Variants in SORCS3 observed in about 807,000 individuals in gnomAD.
SORCS3 encodes sortilin related VPS10 domain containing receptor 3, also known as VPS10 domain-containing receptor SorCS3.
Under a neutral mutation model 146.3 loss-of-function variants are expected in SORCS3, and 57 were observed. That is an observed-to-expected ratio of 0.39 (90% CI 0.31 to 0.49). The LOEUF (loss-of-function observed/expected upper bound fraction) is 0.49, where lower values mean the gene tolerates loss of function less well. SORCS3 is among the 20% of genes least tolerant of loss of function. The pLI is 0.92. For synonymous variants in SORCS3, 653 were observed against 618.5 expected (o/e 1.06, Z -0.83); for missense variants, 1,341 against 1,575.5 (o/e 0.85, Z 2.52).
rs1019153981 is a variant in SORCS3 at position 104,693,513 on chromosome 10, C to T, written c.627+51559C>T. On this transcript the variant is annotated intron_variant, in intron 1 of 26. Coordinates refer to ENST00000369701, the MANE Select transcript of SORCS3 (RefSeq NM_014978.3). ...TGCACTTTCTTTCATTCTGACTTTT[C>T]CTGCTGCATTTTGGCTCTTGGGTGG... Among the ~76,000 whole-genome samples, 11 of 152,290 alleles carry T rather than the reference C, an allele frequency of 7.2e-5. No individual in the cohort carries two copies. The East Asian group carries it at 1.9e-3, about 27-fold the overall frequency.
intron 2 of SORCS3, among the ~76,000 whole-genome samples, chr10:104,880,198 A>G (rs935855175): frequency 2.6e-5 from 4 of 152,202 alleles, no homozygotes; most frequent in Admixed American, 2.6e-4. Context: ...AAATGAACCA[A>G]TGACTGAAAT....
chr10:105,187,002 T>C (rs1421719835), intron 14 of SORCS3, among the ~76,000 whole-genome samples: 1 of 152,120 alleles, frequency 6.6e-6, no homozygotes, highest in African/African-American at 2.4e-5. Context: ...TCCAGACTTA[T>C]CTTCTACAGG....
At chr10:104,662,142 G>T (rs1187434691) in intron 1 of SORCS3, among the ~76,000 whole-genome samples, 1 of 152,212 alleles carries the variant, frequency 6.6e-6, no homozygotes, top group Non-Finnish European at 1.5e-5. Flanking sequence ...ATGTAAGGTA[G>T]TTGAGTCTAC....
At chr10:104,785,717 C>A (rs1038268417) in intron 1 of SORCS3, among the ~76,000 whole-genome samples, 2 of 152,184 alleles carry the variant, frequency 1.3e-5, no homozygotes, top group Non-Finnish European at 2.9e-5. Context: ...AGAACTCACA[C>A]CTGCAGTCTT....
intron 3 of SORCS3, among the ~76,000 whole-genome samples, chr10:104,946,094 A>T (rs1372139185): frequency 6.6e-6 from 1 of 152,020 alleles, no homozygotes; most frequent in Non-Finnish European, 1.5e-5. Context: ...GGTACTGTTG[A>T]GTATCAAATG....
At chr10:104,719,549 C>G (rs2016519080) in intron 1 of SORCS3, among the ~76,000 whole-genome samples, 1 of 152,152 alleles carries the variant, frequency 6.6e-6, no homozygotes, top group South Asian at 2.1e-4. Context: ...ATATCTCTAT[C>G]TGATCTTAGA....
At chr10:105,007,730 C>T (rs1263533048) in intron 4 of SORCS3, among the ~76,000 whole-genome samples, 1 of 151,844 alleles carries the variant, frequency 6.6e-6, no homozygotes, top group Non-Finnish European at 1.5e-5. Flanking sequence ...AATAGGTAGT[C>T]ATTGGTTAGT....
chr10:105,207,478 G>T (rs552718936), intron 16 of SORCS3, among the ~76,000 whole-genome samples: 193 of 152,208 alleles, frequency 1.3e-3, no homozygotes, highest in African/African-American at 4.5e-3. Flanking sequence ...TGTGTTTGCA[G>T]AATCCGCAGC....
intron 9 of SORCS3, among the ~76,000 whole-genome samples, chr10:105,156,653 G>T (rs566851424): frequency 6.6e-6 from 1 of 152,316 alleles, no homozygotes; most frequent in South Asian, 2.1e-4. Context: ...CATGGAAAGA[G>T]ACAGATGCCA....
intron 1 of SORCS3, among the ~76,000 whole-genome samples, chr10:104,724,488 C>A (rs1294459734): frequency 6.6e-6 from 1 of 151,994 alleles, no homozygotes; most frequent in East Asian, 1.9e-4. Context: ...ATCTTTGTGG[C>A]GTTCTCTGTA....
intron 1 of SORCS3, among the ~76,000 whole-genome samples, chr10:104,842,185 T>C (rs1040252684): frequency 5.3e-5 from 8 of 152,054 alleles, no homozygotes; most frequent in Non-Finnish European, 1.0e-4. Context: ...TCCAGTGGGG[T>C]TCAATGATCT....
intron 3 of SORCS3, among the ~76,000 whole-genome samples, chr10:104,929,882 G>A (rs1333612396): frequency 6.6e-6 from 1 of 152,290 alleles, no homozygotes; most frequent in East Asian, 1.9e-4. Context: ...CAGTTACACA[G>A]ACACCAGAAT....
intron 1 of SORCS3, among the ~76,000 whole-genome samples, chr10:104,666,373 G>A (rs190893996): frequency 5.9e-5 from 9 of 152,142 alleles, no homozygotes; most frequent in Non-Finnish European, 1.2e-4. Flanking sequence ...GAAGAGGAAA[G>A]GGGAGAGGAT....
chr10:105,077,777 C>A (rs936853208), intron 5 of SORCS3, among the ~76,000 whole-genome samples: 7 of 152,178 alleles, frequency 4.6e-5, no homozygotes, highest in Non-Finnish European at 8.8e-5. Flanking sequence ...GAAAAGAATT[C>A]TTTGATGCAG....
chr10:104,857,941 G>A (rs1183433840), intron 2 of SORCS3, among the ~76,000 whole-genome samples: 7 of 152,126 alleles, frequency 4.6e-5, no homozygotes, highest in African/African-American at 9.7e-5. Context: ...CAATGCAAAC[G>A]GAAGAATTTG....
intron 1 of SORCS3, among the ~76,000 whole-genome samples, chr10:104,796,610 G>A (rs1215486575): frequency 6.6e-6 from 1 of 152,104 alleles, no homozygotes; most frequent in Non-Finnish European, 1.5e-5. Flanking sequence ...GAAATATACA[G>A]TTTTCTTTTA....
intron 1 of SORCS3, among the ~76,000 whole-genome samples, chr10:104,719,396 A>G (rs1386833009): frequency 6.6e-6 from 1 of 152,144 alleles, no homozygotes; most frequent in Non-Finnish European, 1.5e-5. Context: ...GTGATTGAAT[A>G]TAAGTAATTC....
intron 1 of SORCS3, among the ~76,000 whole-genome samples, chr10:104,814,855 A>G (rs1262360489): frequency 1.3e-5 from 2 of 152,186 alleles, no homozygotes; most frequent in East Asian, 1.9e-4. Context: ...TTCAGCTCCC[A>G]TTTTTAAGTC....
intron 3 of SORCS3, among the ~76,000 whole-genome samples, chr10:104,919,584 G>C (rs1200074395): frequency 6.6e-6 from 1 of 152,068 alleles, no homozygotes; most frequent in Admixed American, 6.5e-5. Flanking sequence ...AGCTACTCAG[G>C]AGGCTGAGGC....
Sources: gnomAD v4.1 joint callset for allele counts (sites outside exome capture counted in the v4.1 genomes callset) on GRCh38, gnomAD v4.1.1 for gene constraint, MANE v1.5 for transcripts, NCBI Gene and HGNC (gene_info 2026-07-23, HGNC 2026-07-21) for gene names.